LRRIQ1: variants seen among roughly 807,000 people sequenced by gnomAD.
LRRIQ1 encodes leucine rich repeats and IQ motif containing 1, also known as leucine-rich repeat- and IQ domain-containing protein 1.
A neutral mutation model predicts 211.9 loss-of-function variants in LRRIQ1; 210 were observed. The observed-to-expected ratio is 0.99, with a 90% CI of 0.89 to 1.11. LRRIQ1 has a LOEUF of 1.11. Among genes scored for constraint, LRRIQ1 ranks in the 50% most tolerant of loss-of-function variants. LRRIQ1 has a pLI of 0.00. For missense variants in LRRIQ1, 2,136 were observed against 1,939.5 expected, an observed-to-expected ratio of 1.10 and a Z score of -1.90; for synonymous variants, 699 against 650.1, an observed-to-expected ratio of 1.08 and a Z score of -1.14.
chr12:85,087,773 C>A (rs1224373241), intron 11 of LRRIQ1, among the ~76,000 whole-genome samples: 2 of 152,124 alleles, frequency 1.3e-5, no homozygotes, highest in African/African-American at 2.4e-5. Context: ...TATCCTTTGT[C>A]CACTTTTTGA....
At chr12:85,186,529 G>A (rs1892235753) in intron 24 of LRRIQ1, among the ~76,000 whole-genome samples, 1 of 152,060 alleles carries the variant, frequency 6.6e-6, no homozygotes, top group African/African-American at 2.4e-5. Context: ...GCATAGATTT[G>A]TCAGCCCCTT....
In LRRIQ1 at chr12:85,114,191, G is replaced by A. The variant is rs185144088; in HGVS notation, c.3378-7506G>A. The stretch of plus-strand genomic sequence containing the variant: ...AGTATAATTACATCTAAAAGGCACT[G>A]CTTGGCAAGTAATACTGTTTATAAT... On this transcript the variant is annotated intron_variant, in intron 15 of 26. Transcript: ENST00000393217. 2.6e-5 allele frequency among the ~76,000 whole-genome samples: 4 copies of A among 151,986 alleles called. No homozygotes were observed. In the East Asian group the frequency reaches 7.7e-4, roughly 29 times the overall value.
At chr12:85,134,979 T>C (rs1889019221) in intron 18 of LRRIQ1, among the ~76,000 whole-genome samples, 1 of 152,082 alleles carries the variant, frequency 6.6e-6, no homozygotes, top group African/African-American at 2.4e-5. Flanking sequence ...ATAATTTCAG[T>C]ACATTACCAA....
downstream of LRRIQ1, among the ~76,000 whole-genome samples, chr12:85,265,899 A>G (rs1042924968): frequency 6.6e-6 from 1 of 152,054 alleles, no homozygotes; most frequent in African/African-American, 2.4e-5. Context: ...TTATGCAGAA[A>G]ATAATTGGTA....
chr12:85,078,895 T>C (rs897226724), intron 11 of LRRIQ1, among the ~76,000 whole-genome samples: 1 of 152,188 alleles, frequency 6.6e-6, no homozygotes, highest in Non-Finnish European at 1.5e-5. Flanking sequence ...ACTTTTGGAT[T>C]CACAAAAATT....
intron 19 of LRRIQ1, among the ~76,000 whole-genome samples, chr12:85,141,883 C>T (rs1702365): frequency 0.26 from 38,715 of 150,172 alleles, 5,820 homozygotes; most frequent in African/African-American, 0.4. Flanking sequence ...TCTATTTTTC[C>T]CTTTATTCAC....
intron 15 of LRRIQ1, among the ~76,000 whole-genome samples, chr12:85,109,443 GT>G (rs1205997437): frequency 6.6e-6 from 1 of 151,996 alleles, no homozygotes; most frequent in Non-Finnish European, 1.5e-5. Flanking sequence ...TTCCAAAAAA[GT>G]TTCTAATAGT....
intron 15 of LRRIQ1, among the ~76,000 whole-genome samples, chr12:85,118,411 A>G (rs1179141769): frequency 6.6e-6 from 1 of 151,722 alleles, no homozygotes; most frequent in Non-Finnish European, 1.5e-5. Context: ...TTAAATATTG[A>G]TGAGAAAAAA....
intron 2 of LRRIQ1, among the ~76,000 whole-genome samples, chr12:85,039,693 T>C (rs559908550): frequency 2.0e-5 from 3 of 151,726 alleles, no homozygotes; most frequent in African/African-American, 7.2e-5. Flanking sequence ...ACAATATTTG[T>C]TTTTAGTTAA....
intron 24 of LRRIQ1, among the ~76,000 whole-genome samples, chr12:85,210,585 G>A (rs959208149): frequency 6.6e-6 from 1 of 152,080 alleles, no homozygotes; most frequent in Non-Finnish European, 1.5e-5. Context: ...TAGTAAATAA[G>A]TTGGTTAGAT....
intron 24 of LRRIQ1, among the ~76,000 whole-genome samples, chr12:85,178,600 C>T (rs987725293): frequency 6.6e-6 from 1 of 151,882 alleles, no homozygotes; most frequent in African/African-American, 2.4e-5. Flanking sequence ...CCTCATTCTA[C>T]TTATCTTCAG....
At chr12:85,172,690 G>T (rs186715546) in intron 24 of LRRIQ1, among the ~76,000 whole-genome samples, 1 of 152,132 alleles carries the variant, frequency 6.6e-6, no homozygotes. Flanking sequence ...AAGTAAATAT[G>T]TGAGTAATAA....
chr12:85,266,156 CTTG>C (rs1896413655), downstream of LRRIQ1, among the ~76,000 whole-genome samples: 1 of 151,992 alleles, frequency 6.6e-6, no homozygotes, highest in Admixed American at 6.6e-5. Context: ...TATTAAAATA[CTTG>C]TTGTAAGAAA....
chr12:85,227,102 TGAG>T (rs1246303327), intron 24 of LRRIQ1, among the ~76,000 whole-genome samples: 1 of 151,080 alleles, frequency 6.6e-6, no homozygotes, highest in African/African-American at 2.5e-5. Flanking sequence ...TCTAGATCCT[TGAG>T]GAATCGCCAC....
chr12:85,216,512 ATTC>A, intron 24 of LRRIQ1, among the ~76,000 whole-genome samples: 1 of 150,356 alleles, frequency 6.7e-6, no homozygotes, highest in Non-Finnish European at 1.5e-5. Context: ...AATGTATATA[ATTC>A]TTTATATTTC....
chr12:85,180,098 T>G (rs1389686561), intron 24 of LRRIQ1, among the ~76,000 whole-genome samples: 1 of 151,980 alleles, frequency 6.6e-6, no homozygotes, highest in Non-Finnish European at 1.5e-5. Context: ...CAACTTAAAC[T>G]TACAACTCAT....
Position 85,141,613 on chromosome 12 carries a change from G to A in LRRIQ1, c.4329+3644G>A, listed in dbSNP as rs112206661. Among the ~76,000 whole-genome samples, 5 of 136,986 alleles carry A rather than the reference G, an allele frequency of 3.7e-5. 1 individual carries two copies. Among genetic ancestry groups the A allele is most frequent in the African/African-American group, 1.4e-4 (5 of 36,016 alleles). 89.9% of individuals were successfully genotyped at this position (136,986 alleles called of 152,430 possible). On this transcript the variant is annotated intron_variant, in intron 19 of 26. Coordinates refer to ENST00000393217, the MANE Select transcript of LRRIQ1 (RefSeq NM_001079910.2). ...TTTTTTTGGCTACTGTTTTCATAAC[G>A]TATATCTTTCTAACCATTCTCATTC...
chr12:85,098,707 A>C (rs1886111969), intron 12 of LRRIQ1, among the ~76,000 whole-genome samples, 159 bp downstream of exon 12: 1 of 152,032 alleles, frequency 6.6e-6, no homozygotes, highest in Non-Finnish European at 1.5e-5. Flanking sequence ...ACAGTTAATT[A>C]ATAGAAATTT....
intron 26 of LRRIQ1, among the ~76,000 whole-genome samples, chr12:85,241,117 G>A (rs1895438794): frequency 6.6e-6 from 1 of 151,970 alleles, no homozygotes; most frequent in South Asian, 2.1e-4. Flanking sequence ...CAGTTTTCTG[G>A]TTTTGTTGAT....
Sources: gnomAD v4.1 joint callset for allele counts (sites outside exome capture counted in the v4.1 genomes callset) on GRCh38, gnomAD v4.1.1 for gene constraint, MANE v1.5 for transcripts, NCBI Gene and HGNC (gene_info 2026-07-23, HGNC 2026-07-21) for gene names.